KANK4: variants seen among roughly 807,000 people sequenced by gnomAD.
The protein encoded by KANK4 is KN motif and ankyrin repeat domains 4.
Under a neutral mutation model 80.8 loss-of-function variants are expected in KANK4, and 50 were observed. That is an observed-to-expected ratio of 0.62 (90% CI 0.49 to 0.78). The LOEUF is 0.78. Among genes scored for constraint, KANK4 ranks in the 30% least tolerant of loss-of-function variants. The pLI is 0.00. For synonymous variants in KANK4, 465 were observed against 506.9 expected (o/e 0.92, Z 1.11); for missense variants, 1,196 against 1,240.1 (o/e 0.96, Z 0.53).
At chr1:62,281,468 T>C (rs985113829) in intron 2 of KANK4, 81 bp downstream of exon 2, 8 of 1,544,572 alleles carry the variant, frequency 5.2e-6, no homozygotes, top group Non-Finnish European at 6.3e-6. Context: ...TTTCCTAGGC[T>C]ATTTCCAGGA....
intron 7 of KANK4, among the ~76,000 whole-genome samples, chr1:62,259,387 C>T (rs1671825218): frequency 6.6e-6 from 1 of 152,152 alleles, no homozygotes; most frequent in South Asian, 2.1e-4. Flanking sequence ...AGAGATCCTC[C>T]CACCTCAGCC....
At chr1:62,253,244 T>A in intron 7 of KANK4, 35 bp from the exon 8 acceptor site, 2 of 1,573,178 alleles carry the variant, frequency 1.3e-6, no homozygotes, top group Non-Finnish European at 1.7e-6. Flanking sequence ...CAAAGGCTCC[T>A]GAGGGGCCAG....
At chr1:62,305,211 T>A (rs1388915296) in intron 1 of KANK4, among the ~76,000 whole-genome samples, 1 of 152,216 alleles carries the variant, frequency 6.6e-6, no homozygotes, top group African/African-American at 2.4e-5. Context: ...CATACCTACC[T>A]GGCTTCAGAA....
At chr1:62,252,648 G>C (rs1671651307) in intron 8 of KANK4, among the ~76,000 whole-genome samples, 1 of 152,236 alleles carries the variant, frequency 6.6e-6, no homozygotes, top group Non-Finnish European at 1.5e-5. Flanking sequence ...ACAGAGGTGA[G>C]AACTTCTTTA....
intron 7 of KANK4, among the ~76,000 whole-genome samples, chr1:62,257,987 T>C (rs1434092067): frequency 6.6e-6 from 1 of 152,174 alleles, no homozygotes; most frequent in African/African-American, 2.4e-5. Context: ...TTACCAGTCT[T>C]TGGATTCTTC....
At chr1:62,250,832 A>G (rs1267649169) in intron 8 of KANK4, among the ~76,000 whole-genome samples, 1 of 152,210 alleles carries the variant, frequency 6.6e-6, no homozygotes, top group Non-Finnish European at 1.5e-5. Flanking sequence ...TAATCTATAA[A>G]CATCGGCTTC....
chr1:62,288,956 G>A (rs904749063), intron 1 of KANK4, among the ~76,000 whole-genome samples: 4 of 152,150 alleles, frequency 2.6e-5, no homozygotes, highest in African/African-American at 4.8e-5. Context: ...TAAAAAAGAT[G>A]TCAGATAAAT....
intron 1 of KANK4, among the ~76,000 whole-genome samples, chr1:62,299,072 A>G (rs1644390721): frequency 6.6e-6 from 1 of 151,562 alleles, no homozygotes; most frequent in Admixed American, 6.6e-5. Flanking sequence ...TTTTTAAGAC[A>G]GTGTTTTGCT....
chr1:62,279,194 GCGCGCACA>G (rs1347372157), intron 2 of KANK4, among the ~76,000 whole-genome samples: 6 of 51,792 alleles, frequency 1.2e-4, no homozygotes, highest in Admixed American at 1.8e-4. Context: ...CTAAGCTAGC[GCGCGCACA>G]CACACACACA....
chr1:62,268,380 G>T lies in KANK4; in HGVS notation c.2138C>A (p.Thr713Asn). Reference protein sequence around the residue: ...DHKHVKDAHLTCEAGQGIPEG... With the variant: ...DHKHVKDAHLNCEAGQGIPEG... ...AGGGATGCCCTGCCCAGCCTCGCAG[G>T]TGAGATGGGCATCTTTGACATGCTT... Residue 713 changes from threonine to asparagine, a missense_variant, in exon 5 of 10, where the codon ACC becomes AAC. Thr to Asn is a moderately conservative substitution (Grantham distance 65). This residue lies in a region of KANK4 where 1,154 missense variants were observed against 1,179.6 expected (regional missense o/e 0.98). Transcript: ENST00000371153. 1 of 1,614,068 alleles carries T rather than the reference G, an allele frequency of 6.2e-7. No homozygotes were observed. Among genetic ancestry groups the T allele is most frequent in the South Asian group, 1.1e-5 (1 of 91,068 alleles).
At chr1:62,253,921 A>T (rs80054590) in intron 7 of KANK4, among the ~76,000 whole-genome samples, 4,101 of 152,280 alleles carry the variant, frequency 0.027, 167 homozygotes, top group African/African-American at 0.095. Flanking sequence ...AGGAACACTC[A>T]GGTCTGTCCG....
intron 4 of KANK4, among the ~76,000 whole-genome samples, chr1:62,270,002 C>T (rs182879450): frequency 6.6e-6 from 1 of 152,312 alleles, no homozygotes; most frequent in African/African-American, 2.4e-5. Flanking sequence ...CAGCGTGCAA[C>T]CAAGGCTGAG....
Position 62,306,359 on chromosome 1 carries a change from A to G in KANK4, c.-71+12747T>C, listed in dbSNP as rs1456363459. Reference sequence around the variant, plus strand: ...AATATGTTCAAGATGGAGTATGAGGAAAAAAACAGCAGGACAATAGGTAAG... The same window carrying G: ...AATATGTTCAAGATGGAGTATGAGGGAAAAAACAGCAGGACAATAGGTAAG... On this transcript the variant is annotated intron_variant, in intron 1 of 9. Transcript: ENST00000371153. Among the ~76,000 whole-genome samples the G allele has an allele frequency of 2.0e-5, 3 of 152,166 alleles. No individual in the cohort carries two copies. The East Asian group carries it at 5.8e-4, about 29-fold the overall frequency.
chr1:62,239,045 T>C (rs1671277656), intron 9 of KANK4, among the ~76,000 whole-genome samples: 1 of 151,660 alleles, frequency 6.6e-6, no homozygotes. Context: ...TCTTTTCTCC[T>C]GTGCAAATTT....
At chr1:62,240,551 C>G (rs1208368954) in intron 9 of KANK4, among the ~76,000 whole-genome samples, 1 of 152,128 alleles carries the variant, frequency 6.6e-6, no homozygotes, top group African/African-American at 2.4e-5. Flanking sequence ...TGTCTGTAAC[C>G]CCAGCTACTT....
At chr1:62,298,854 G>A (rs145259497) in intron 1 of KANK4, among the ~76,000 whole-genome samples, 2,486 of 152,244 alleles carry the variant, frequency 0.016, 136 homozygotes, top group Admixed American at 0.099. Flanking sequence ...GAGAGTTGTT[G>A]TGTGGTATAT....
chr1:62,312,616 C>A (rs543117793), intron 1 of KANK4, among the ~76,000 whole-genome samples: 2 of 152,174 alleles, frequency 1.3e-5, no homozygotes, highest in African/African-American at 2.4e-5. Context: ...TCTCTTCTGC[C>A]CACCCCTCTC....
intron 3 of KANK4, 154 bp from the exon 4 acceptor site, chr1:62,271,743 A>G (rs1672168930): frequency 5.1e-6 from 3 of 593,750 alleles, no homozygotes; most frequent in Non-Finnish European, 9.1e-6. Flanking sequence ...TGTTTTGGGG[A>G]CCTCTTGGAG....
chr1:62,307,979 C>T (rs1019975116), intron 1 of KANK4, among the ~76,000 whole-genome samples: 1 of 152,180 alleles, frequency 6.6e-6, no homozygotes, highest in Non-Finnish European at 1.5e-5. Context: ...ATAAATGCCA[C>T]TCACACCTCA....
Sources: gnomAD v4.1 joint callset for allele counts (sites outside exome capture counted in the v4.1 genomes callset) on GRCh38, gnomAD v4.1.1 for gene constraint, gnomAD v4.1.1 regional missense constraint, MANE v1.5 for transcripts, NCBI Gene and HGNC (gene_info 2026-07-23, HGNC 2026-07-21) for gene names.